The following DRG2 variants were observed in gnomAD, a reference collection of about 807,000 sequenced individuals.
DRG2 encodes the protein developmentally regulated GTP binding protein 2.
Under a neutral mutation model 53.4 loss-of-function variants are expected in DRG2, and 36 were observed. The ratio of observed to expected loss-of-function variants is 0.67; its 90% CI spans 0.52 to 0.89. The LOEUF is 0.89. Ranked by LOEUF, DRG2 falls within the 40% of genes least tolerant of loss-of-function variation. DRG2 has a pLI of 0.00. For synonymous variants in DRG2, 167 were observed against 192.1 expected (o/e 0.87, Z 1.08); for missense variants, 342 against 481.2 (o/e 0.71, Z 2.71).
Position 18,099,161 on chromosome 17 carries a change from ACT to A in DRG2, c.376+87_376+88del, listed in dbSNP as rs1324500560. 11 of 1,555,936 alleles carry A rather than the reference ACT, an allele frequency of 7.1e-6. No homozygotes were observed. The highest frequency in any genetic ancestry group is 9.7e-6 in the Non-Finnish European group (11 of 1,132,338). ...ATTGGGTGTGGCTGTCATGGAGATC[ACT>A]CTGGATCCCTGGTCCATTATCCCGC... On this transcript the variant is annotated intron_variant, in intron 4 of 12. Coordinates refer to ENST00000225729, the MANE Select transcript of DRG2 (RefSeq NM_001388.5). The surrounding 1 kb of genome is among the most constrained non-coding windows in gnomAD (Gnocchi z 4.4).
chr17:18,093,983 G>T lies in DRG2; in HGVS notation c.225+10G>T. ...TCCCTCTGTGGGTAAGGTCAGTGAT[G>T]GTCAGTGTGGGCCTCGGGGAGGAAA... is the stretch of plus-strand genomic sequence containing the variant. On this transcript the variant is annotated intron_variant, in intron 2 of 12. Transcript: ENST00000225729. 1 of 1,611,110 alleles carries T rather than the reference G, an allele frequency of 6.2e-7. No homozygotes were observed. Among genetic ancestry groups the T allele is most frequent in the South Asian group, 1.1e-5 (1 of 90,874 alleles).
chr17:18,100,459 G>A lies in DRG2; in HGVS notation c.540+24G>A. 1.9e-6 allele frequency: 3 copies of A among 1,614,256 alleles called. No individual in the cohort carries two copies. The highest frequency in any genetic ancestry group is 2.5e-6 in the Non-Finnish European group (3 of 1,180,046). Reference sequence around the variant, plus strand: ...AGGTGAGGCACCTCTCTGGCCTTCAGGCCAGGGGTGTGGCAGTTTTGAGAC... The same window carrying A: ...AGGTGAGGCACCTCTCTGGCCTTCAAGCCAGGGGTGTGGCAGTTTTGAGAC... On this transcript the variant is annotated intron_variant, in intron 6 of 12. Coordinates refer to ENST00000225729, the MANE Select transcript of DRG2 (RefSeq NM_001388.5). The surrounding 1 kb of genome is among the most constrained non-coding windows in gnomAD (Gnocchi z 4.1).
intron 1 of DRG2, among the ~76,000 whole-genome samples, chr17:18,091,484 G>A (rs1480387553): frequency 1.3e-5 from 2 of 152,128 alleles, no homozygotes; most frequent in African/African-American, 4.8e-5. Flanking sequence ...TACTCGGGAG[G>A]CGGAGGCAGG....
intron 12 of DRG2, 37 bp downstream of exon 12, chr17:18,106,523 C>T (rs756160910): frequency 4.3e-6 from 7 of 1,611,474 alleles, no homozygotes; most frequent in Non-Finnish European, 1.7e-6. Context: ...GGGGGGTAGA[C>T]CCAGGACAGC....
chr17:18,101,352 A>T, intron 7 of DRG2, 141 bp from the exon 8 acceptor site: 1 of 689,912 alleles, frequency 1.4e-6, no homozygotes, highest in Non-Finnish European at 2.5e-6. Flanking sequence ...CCAAAGCATT[A>T]CAATCTTGCA....
chr17:18,090,222 T>G (rs1447622043), intron 1 of DRG2, among the ~76,000 whole-genome samples: 2 of 131,554 alleles, frequency 1.5e-5, no homozygotes, highest in East Asian at 4.7e-4. Flanking sequence ...GAGACAGTCT[T>G]GCTCTGTTGC....
In DRG2 at chr17:18,100,042, C is replaced by T. The variant is rs1044920348; in HGVS notation, c.467+319C>T. On this transcript the variant is annotated intron_variant, in intron 5 of 12. Coordinates refer to ENST00000225729, the MANE Select transcript of DRG2 (RefSeq NM_001388.5). This position sits in a 1 kb window ranked among gnomAD's most constrained non-coding sequence, Gnocchi z 4.1. The stretch of plus-strand genomic sequence containing the variant: ...CCCCAGGCACAGAAGCATTGTTCAT[C>T]CACATCCTGGCAGAGGGGTACACCA... 6.9e-6 allele frequency: 4 copies of T among 576,686 alleles called. No individual in the cohort carries two copies. The highest frequency in any genetic ancestry group is 1.2e-5 in the Non-Finnish European group (4 of 323,248). The allele number at this position is 576,686 out of a possible 1,614,324, so 35.7% of individuals were successfully genotyped here.
chr17:18,105,286 T>C (rs1401591247), intron 11 of DRG2, among the ~76,000 whole-genome samples: 1 of 152,188 alleles, frequency 6.6e-6, no homozygotes, highest in Non-Finnish European at 1.5e-5. Context: ...TCAGGTCACA[T>C]GGCCGTCCTC....
In DRG2 at chr17:18,088,191, C is replaced by T. The variant is rs2142173822; in HGVS notation, c.64+104C>T. 29 of 1,388,540 alleles carry T rather than the reference C, an allele frequency of 2.1e-5. 1 individual carries two copies. In the South Asian group the frequency reaches 4.0e-4, roughly 19 times the overall value. 86.0% of individuals were successfully genotyped at this position (1,388,540 alleles called of 1,614,324 possible). A position where few individuals can be genotyped will look rare whatever the true frequency, so the allele number is the denominator to read the frequency against. ...AGTAATGCTGGGGCAAGATCCGAGGCCGCGGAGAAGTTGCCAGACAAGTGC... is the reference window on the plus strand; with the variant it reads ...AGTAATGCTGGGGCAAGATCCGAGGTCGCGGAGAAGTTGCCAGACAAGTGC... On this transcript the variant is annotated intron_variant, in intron 1 of 12. Transcript: ENST00000225729.
chr17:18,096,960 A>G (rs894421979), intron 2 of DRG2: 4 of 152,190 alleles, frequency 2.6e-5, no homozygotes, highest in African/African-American at 9.7e-5. Context: ...CTGTCTGCCT[A>G]TATGATTGGT....
intron 12 of DRG2, 29 bp downstream of exon 12, chr17:18,106,515 G>T (rs565872786): frequency 2.5e-6 from 4 of 1,613,642 alleles, no homozygotes; most frequent in Admixed American, 1.7e-5. Flanking sequence ...AGCAACCAGG[G>T]GGGTAGACCC....
chr17:18,089,284 C>T lies in DRG2; in HGVS notation c.64+1197C>T, dbSNP rs191555179. On this transcript the variant is annotated intron_variant, in intron 1 of 12. Coordinates refer to ENST00000225729, the MANE Select transcript of DRG2 (RefSeq NM_001388.5). ...CTCCAAATAGCTGGGATTACAGGCA[C>T]GTGCCACCACACCCGGCTAATTTTT... Among the ~76,000 whole-genome samples the T allele has an allele frequency of 5.3e-5, 8 of 152,252 alleles. No individual in the cohort carries two copies. The East Asian group carries it at 7.7e-4, about 15-fold the overall frequency.
In DRG2 at chr17:18,099,921, A is replaced by G. The variant is rs2045499834; in HGVS notation, c.467+198A>G. 2 of 627,546 alleles carry G rather than the reference A, an allele frequency of 3.2e-6. No homozygotes were observed. Among genetic ancestry groups the G allele is most frequent in the Non-Finnish European group, 2.8e-6 (1 of 359,120 alleles). The allele number at this position is 627,546 out of a possible 1,614,324, so 38.9% of individuals were successfully genotyped here. A position where few individuals can be genotyped will look rare whatever the true frequency, so the allele number is the denominator to read the frequency against. On this transcript the variant is annotated intron_variant, in intron 5 of 12. Coordinates refer to ENST00000225729, the MANE Select transcript of DRG2 (RefSeq NM_001388.5). The surrounding 1 kb of genome is among the most constrained non-coding windows in gnomAD (Gnocchi z 4.4). The stretch of plus-strand genomic sequence containing the variant: ...GCTTGTGTCCAGCCAGCACAGAGGT[A>G]TCTTGGGACTGGGGGCCGAGGGGCT...
chr17:18,104,062 T>C (rs972821365), intron 10 of DRG2, among the ~76,000 whole-genome samples, 173 bp downstream of exon 10: 2 of 152,152 alleles, frequency 1.3e-5, no homozygotes, highest in Admixed American at 6.5e-5. Context: ...GAGGGTACCC[T>C]GGTGGGGCAA....
At chr17:18,090,540 C>T (rs1467902263) in intron 1 of DRG2, among the ~76,000 whole-genome samples, 1 of 148,272 alleles carries the variant, frequency 6.7e-6, no homozygotes, top group Non-Finnish European at 1.5e-5. Flanking sequence ...CCTCAGTCTC[C>T]CAGGTGTGTG....
chr17:18,104,702 G>A (rs372426749), intron 11 of DRG2, 21 bp downstream of exon 11: 24 of 1,613,698 alleles, frequency 1.5e-5, no homozygotes, highest in African/African-American at 2.7e-5. Flanking sequence ...AAGACCTGCC[G>A]TGACAAGGGG....
In DRG2 at chr17:18,104,018, T is replaced by A; in HGVS notation, c.895+129T>A. The A allele has an allele frequency of 3.5e-6, 3 of 866,808 alleles. No individual in the cohort carries two copies. In the South Asian group the frequency reaches 4.6e-5, roughly 13 times the overall value. 53.7% of individuals were successfully genotyped at this position (866,808 alleles called of 1,614,324 possible). On this transcript the variant is annotated intron_variant, in intron 10 of 12. Transcript: ENST00000225729. ...GGCTTGTCTAGACACACCTCAGCTC[T>A]TTTCCCTTCTCAGCACTGGGCACTG... is the stretch of plus-strand genomic sequence containing the variant.
chr17:18,102,793 T>C (rs928536524), intron 9 of DRG2, among the ~76,000 whole-genome samples: 6 of 152,160 alleles, frequency 3.9e-5, no homozygotes, highest in Non-Finnish European at 8.8e-5. Context: ...GGCCACTCAC[T>C]TCCTGCCCTC....
Position 18,101,898 on chromosome 17 carries a change from G to A in DRG2, c.730-23G>A, listed in dbSNP as rs769611058. ...ATGCCTTGCTCCTGTCCTCAGCACC[G>A]GCCTCCACCTTCTCAATCTCAGGTT... On this transcript the variant is annotated intron_variant, in intron 8 of 12. Coordinates refer to ENST00000225729, the MANE Select transcript of DRG2 (RefSeq NM_001388.5). 1.4e-5 allele frequency: 22 copies of A among 1,603,912 alleles called. No homozygotes were observed. In the East Asian group the frequency reaches 2.7e-4, roughly 20 times the overall value.
Sources: gnomAD v4.1 joint callset for allele counts (sites outside exome capture counted in the v4.1 genomes callset) on GRCh38, gnomAD v4.1.1 for gene constraint, Gnocchi (gnomAD v3.1) non-coding constraint, MANE v1.5 for transcripts, NCBI Gene and HGNC (gene_info 2026-07-23, HGNC 2026-07-21) for gene names.